Variants in UBE2B observed in about 807,000 individuals in gnomAD.
UBE2B encodes ubiquitin-conjugating enzyme E2 B.
UBE2B carries 11 observed loss-of-function variants against 24.6 expected under a neutral mutation model. The observed-to-expected ratio is 0.45, with a 90% CI of 0.28 to 0.74. The LOEUF (loss-of-function observed/expected upper bound fraction) is 0.74. UBE2B is among the 30% of genes least tolerant of loss of function. The pLI, the probability that UBE2B is intolerant of heterozygous loss-of-function variation, is 0.13. For synonymous variants in UBE2B, 68 were observed against 62.4 expected (o/e 1.09, Z -0.42); for missense variants, 78 against 185.6 (o/e 0.42, Z 3.37).
chr5:134,388,332 T>C lies in UBE2B; in HGVS notation c.249T>C (p.Ala83=), dbSNP rs757964655. Residue 83 remains alanine, a synonymous_variant, in exon 5 of 6, where the codon GCT becomes GCC. Transcript: ENST00000265339. ...LSKMFHPNVY[A]DGSICLDILQ... Reference sequence around the variant, plus strand: ...TTAGTATTGTCTTTGCAGTGTATGCTGATGGTAGCATATGTTTAGATATCC... The same window carrying C: ...TTAGTATTGTCTTTGCAGTGTATGCCGATGGTAGCATATGTTTAGATATCC... 2.5e-6 allele frequency: 4 copies of C among 1,613,874 alleles called. No homozygotes were observed. The highest frequency in any genetic ancestry group is 1.3e-5 in the African/African-American group (1 of 74,938).
intron 4 of UBE2B, 176 bp from the exon 5 acceptor site, chr5:134,388,149 A>G: frequency 4.9e-6 from 3 of 614,282 alleles, no homozygotes; most frequent in Admixed American, 5.4e-5. Context: ...CATTCAAACC[A>G]TAGCAGGTGC....
intron 3 of UBE2B, 77 bp downstream of exon 3, chr5:134,376,771 A>G (rs993031965): frequency 2.8e-5 from 39 of 1,395,994 alleles, no homozygotes; most frequent in Admixed American, 9.8e-5. Context: ...CAACATATCT[A>G]CTTGAAGCCA....
chr5:134,386,682 C>T (rs1488357853), intron 4 of UBE2B, among the ~76,000 whole-genome samples: 1 of 151,510 alleles, frequency 6.6e-6, no homozygotes, highest in Non-Finnish European at 1.5e-5. Context: ...CCTACTATTA[C>T]AAATATCCAC....
At position 134,372,609 on chromosome 5, in the gene UBE2B, C is replaced by T. The variant is rs186867306; in HGVS notation, c.44+970C>T. 4.8e-4 allele frequency among the ~76,000 whole-genome samples: 73 copies of T among 152,262 alleles called. 1 individual carries two copies. Among genetic ancestry groups the T allele is most frequent in the African/African-American group, 1.5e-3 (63 of 41,528 alleles). On this transcript the variant is annotated intron_variant, in intron 1 of 5. Transcript: ENST00000265339. Reference sequence around the variant, plus strand: ...TTAGATTTGTCGCTCAGGAAGTCACCTCTCAGCTATTATAAAGCCTATGTG... The same window carrying T: ...TTAGATTTGTCGCTCAGGAAGTCACTTCTCAGCTATTATAAAGCCTATGTG...
intron 4 of UBE2B, among the ~76,000 whole-genome samples, chr5:134,384,931 A>G (rs1287245507): frequency 6.6e-6 from 1 of 152,238 alleles, no homozygotes; most frequent in Non-Finnish European, 1.5e-5. Flanking sequence ...GATATTTCAT[A>G]TAAATGGAAT....
intron 2 of UBE2B, among the ~76,000 whole-genome samples, chr5:134,376,352 T>TATATATATATATATATATATATATAC (rs1245225454): frequency 6.3e-5 from 4 of 63,236 alleles, no homozygotes; most frequent in African/African-American, 1.9e-4. Context: ...AAAAAAAATA[T>TATATATATATATATATATATATATAC]ATATATATAT....
intron 5 of UBE2B, among the ~76,000 whole-genome samples, chr5:134,389,681 G>A (rs1271199704): frequency 2.0e-5 from 3 of 151,598 alleles, no homozygotes; most frequent in East Asian, 1.9e-4. Flanking sequence ...TCCGAGTAGC[G>A]GATTACGGGC....
At chr5:134,372,590 T>C (rs2149689048) in intron 1 of UBE2B, among the ~76,000 whole-genome samples, 1 of 152,290 alleles carries the variant, frequency 6.6e-6, no homozygotes, top group East Asian at 1.9e-4. Context: ...AAACTTAGAT[T>C]TGTCGCTCAG....
intron 1 of UBE2B, among the ~76,000 whole-genome samples, chr5:134,373,444 G>A (rs926757127): frequency 1.3e-5 from 2 of 151,394 alleles, no homozygotes; most frequent in African/African-American, 2.4e-5. Context: ...ACTTTTTTTG[G>A]TATAAGAGGA....
rs955391289 is a variant in UBE2B at position 134,388,252 on chromosome 5, C to G, written c.242-73C>G. 5 of 1,267,796 alleles carry G rather than the reference C, an allele frequency of 3.9e-6. No individual in the cohort carries two copies. In the African/African-American group the frequency reaches 7.4e-5, roughly 19 times the overall value. The allele number at this position is 1,267,796 out of a possible 1,614,324, so 78.5% of individuals were successfully genotyped here. On this transcript the variant is annotated intron_variant, in intron 4 of 5. Transcript: ENST00000265339. ...ATTTAAAACTTCTAAGCCAAGCATT[C>G]TGTTTGGTAAAGATTTCTCTTAACT...
Position 134,390,188 on chromosome 5 carries a change from A to C in UBE2B, c.331-37A>C, listed in dbSNP as rs758636417. The C allele has an allele frequency of 1.2e-6, 2 of 1,612,752 alleles. No individual in the cohort carries two copies. The highest frequency in any genetic ancestry group is 2.2e-5 in the East Asian group (1 of 44,852). On this transcript the variant is annotated intron_variant, in intron 5 of 5. Transcript: ENST00000265339. The surrounding 1 kb of genome is among the most constrained non-coding windows in gnomAD (Gnocchi z 4.6). ...CTGACCCCTGTTGGTATAAAGAACA[A>C]CTATGCAAATCTGTTTTTTCTTTTC...
chr5:134,391,374 AT>A lies in UBE2B; in HGVS notation c.*1031del, dbSNP rs558741753. The A allele has an allele frequency of 1.4e-4, 21 of 150,086 alleles. No individual in the cohort carries two copies. The highest frequency in any genetic ancestry group is 1.3e-4 in the Admixed American group (2 of 14,980). The allele number at this position is 150,086 out of a possible 1,614,324, so 9.3% of individuals were successfully genotyped here. A position where few individuals can be genotyped will look rare whatever the true frequency, so the allele number is the denominator to read the frequency against. On this transcript the variant is annotated 3_prime_UTR_variant, in exon 6 of 6. Coordinates refer to ENST00000265339, the MANE Select transcript of UBE2B (RefSeq NM_003337.4). ...TGCTGAGTTGCTTCTTCTTGTGGAG[AT>A]TTTTTTTTTAATCTCCTGAGTTGTA...
intron 4 of UBE2B, among the ~76,000 whole-genome samples, chr5:134,381,545 T>C (rs139134549): frequency 7.3e-4 from 111 of 152,316 alleles, no homozygotes; most frequent in African/African-American, 2.5e-3. Flanking sequence ...GCACTGTGAT[T>C]ACAGGAATGG....
intron 3 of UBE2B, among the ~76,000 whole-genome samples, chr5:134,377,296 A>T (rs1431752872): frequency 6.6e-6 from 1 of 152,224 alleles, no homozygotes; most frequent in East Asian, 1.9e-4. Flanking sequence ...GAAATTATTA[A>T]ACATCTTTGT....
intron 2 of UBE2B, among the ~76,000 whole-genome samples, chr5:134,375,200 G>A (rs1397192206): frequency 6.6e-6 from 1 of 152,186 alleles, no homozygotes; most frequent in East Asian, 1.9e-4. Context: ...AAGAATTTAA[G>A]CGAAAATGAT....
chr5:134,371,772 G>A, intron 1 of UBE2B, 133 bp downstream of exon 1: 1 of 1,377,528 alleles, frequency 7.3e-7, no homozygotes, highest in Non-Finnish European at 1.0e-6. Flanking sequence ...GCGGAAGCCG[G>A]GTCCTAGCCT....
chr5:134,381,068 G>A (rs1337454236), intron 4 of UBE2B, among the ~76,000 whole-genome samples: 8 of 142,102 alleles, frequency 5.6e-5, no homozygotes, highest in South Asian at 4.8e-4. Context: ...CCGGGTTCAC[G>A]CCATTCTCCT....
At chr5:134,385,137 ATAGT>A (rs1437578692) in intron 4 of UBE2B, among the ~76,000 whole-genome samples, 3 of 152,250 alleles carry the variant, frequency 2.0e-5, no homozygotes, top group African/African-American at 7.2e-5. Context: ...ATTCTCAGAA[ATAGT>A]TACTCAGAAC....
intron 4 of UBE2B, among the ~76,000 whole-genome samples, chr5:134,381,319 A>T (rs1187543309): frequency 2.6e-5 from 4 of 152,116 alleles, no homozygotes; most frequent in Non-Finnish European, 4.4e-5. Context: ...GCAGTGGTAC[A>T]GTCACAGTTC....
Sources: gnomAD v4.1 joint callset for allele counts (sites outside exome capture counted in the v4.1 genomes callset) on GRCh38, gnomAD v4.1.1 for gene constraint, Gnocchi (gnomAD v3.1) non-coding constraint, MANE v1.5 for transcripts, NCBI Gene and HGNC (gene_info 2026-07-23, HGNC 2026-07-21) for gene names.